Variants in ZNF280C observed in about 807,000 individuals in gnomAD.
ZNF280C encodes zinc finger protein 280C, also known as suppressor of hairy wing homolog 3.
Under a neutral mutation model 53.6 loss-of-function variants are expected in ZNF280C, and 14 were observed. The ratio of observed to expected loss-of-function variants is 0.26; its 90% confidence interval spans 0.17 to 0.41. The LOEUF is 0.41. Among genes scored for constraint, ZNF280C ranks in the 10% least tolerant of loss-of-function variants. ZNF280C has a pLI of 1.00. For missense variants in ZNF280C, 416 were observed against 547.1 expected (o/e 0.76, Z 2.39); for synonymous variants, 203 against 181.1 (o/e 1.12, Z -0.97).
At chrX:130,255,781 G>C (rs758607597) in intron 2 of ZNF280C, among the ~76,000 whole-genome samples, 16 of 111,068 alleles carry the variant, frequency 1.4e-4, no homozygotes, top group African/African-American at 4.9e-4. Context: ...ATGGTGAGAC[G>C]CTGTCCCTAC....
At chrX:130,266,870 A>G (rs1450405486) in intron 1 of ZNF280C, among the ~76,000 whole-genome samples, 1 of 111,525 alleles carries the variant, frequency 9.0e-6, no homozygotes, top group African/African-American at 3.3e-5. Context: ...TGGGAGGCCG[A>G]GGTGGGTGGA....
At chrX:130,221,772 A>T (rs1176495667) in intron 12 of ZNF280C, among the ~76,000 whole-genome samples, 1 of 111,757 alleles carries the variant, frequency 8.9e-6, no homozygotes, top group East Asian at 2.8e-4. Flanking sequence ...GGACTCTTGC[A>T]AGAGCCTCCT....
intron 16 of ZNF280C, among the ~76,000 whole-genome samples, chrX:130,207,025 A>AT (rs1157628051): frequency 8.9e-6 from 1 of 111,776 alleles, no homozygotes; most frequent in Non-Finnish European, 1.9e-5. Flanking sequence ...AGTTTCAGTA[A>AT]TCTACTGAGG....
intron 2 of ZNF280C, among the ~76,000 whole-genome samples, chrX:130,256,575 A>G (rs2032573945): frequency 1.9e-5 from 2 of 104,372 alleles, no homozygotes; most frequent in African/African-American, 7.1e-5. Flanking sequence ...GGCGACTGGG[A>G]GACTCCATCT....
At chrX:130,236,813 T>TGA (rs773218258) in intron 6 of ZNF280C, among the ~76,000 whole-genome samples, 174 bp from the exon 7 acceptor site, 1 of 111,345 alleles carries the variant, frequency 9.0e-6, no homozygotes, top group African/African-American at 3.2e-5. Context: ...CAATAAAGAA[T>TGA]GATTAAAATT....
intron 1 of ZNF280C, among the ~76,000 whole-genome samples, chrX:130,261,730 T>TA (rs1279994237): frequency 1.8e-5 from 2 of 112,233 alleles, no homozygotes; most frequent in Non-Finnish European, 3.8e-5. Flanking sequence ...TGCTCAACAT[T>TA]AAGGATCTAT....
rs751108168 is a variant in ZNF280C, at chrX:130,220,464, C to T, written c.1412G>A (p.Arg471His). The part of the protein sequence containing the change: ...YMKHQKKGVH[R>H]CPKCRLQFLT... The stretch of plus-strand genomic sequence containing the variant: ...AAATTGTAGTCTGCATTTTGGGCAA[C>T]GATGAACTCCTTTTTTCTGTTTACA... Residue 471 changes from arginine (R) to histidine (H), a missense_variant, in exon 13 of 19, where the codon CGT (arginine) becomes CAT (histidine). Coordinates refer to ENST00000370978, the MANE Select transcript of ZNF280C (RefSeq NM_017666.5). 6 of 1,195,587 alleles carry T rather than the reference C, an allele frequency of 5.0e-6. No individual in the cohort carries two copies. The highest frequency in any genetic ancestry group is 3.0e-5 in the East Asian group (1 of 33,426).
Position 130,232,022 on chromosome X carries a change from G to A in ZNF280C, c.772-1295C>T, listed in dbSNP as rs757849351. 4.0e-3 allele frequency among the ~76,000 whole-genome samples: 394 copies of A among 99,545 alleles called. 1 individual carries two copies. Among genetic ancestry groups the A allele is most frequent in the Non-Finnish European group, 5.0e-3 (249 of 49,667 alleles). The allele number at this position is 99,545 out of a possible 115,157, so 86.4% of individuals were successfully genotyped here. A position where few individuals can be genotyped will look rare whatever the true frequency, so the allele number is the denominator to read the frequency against. On this transcript the variant is annotated intron_variant, in intron 8 of 18. Coordinates refer to ENST00000370978, the MANE Select transcript of ZNF280C (RefSeq NM_017666.5). Reference sequence around the variant, plus strand: ...AGCCCGGGTGACAGAGCAAGACTCCGTCTCAAAAAAAAAAAAAAGCTTAAA... The same window carrying A: ...AGCCCGGGTGACAGAGCAAGACTCCATCTCAAAAAAAAAAAAAAGCTTAAA...
chrX:130,241,372 C>G (rs757096436), intron 5 of ZNF280C, among the ~76,000 whole-genome samples: 5 of 112,192 alleles, frequency 4.5e-5, no homozygotes. Flanking sequence ...CAAATGTCTA[C>G]GACAATAGTT....
chrX:130,208,915 C>G (rs1252496429), intron 16 of ZNF280C, among the ~76,000 whole-genome samples: 1 of 109,733 alleles, frequency 9.1e-6, no homozygotes, highest in Non-Finnish European at 1.9e-5. Context: ...AGGCTGATCT[C>G]GAACTCCTGA....
At position 130,209,458 on chromosome X, in the gene ZNF280C, G is replaced by A. The variant is rs533483212; in HGVS notation, c.2042+195C>T. 1.1e-3 allele frequency among the ~76,000 whole-genome samples: 127 copies of A among 111,496 alleles called. 1 individual carries two copies. Among genetic ancestry groups the A allele is most frequent in the African/African-American group, 4.1e-3 (125 of 30,736 alleles). On this transcript the variant is annotated intron_variant, in intron 16 of 18. Transcript: ENST00000370978. ...ACCTTATTTTTGTTATTTTACAAAC[G>A]CAAATACATGAAGGTTTCATCTTAA...
chrX:130,206,328 G>C (rs1003125441), intron 16 of ZNF280C, among the ~76,000 whole-genome samples: 1 of 107,256 alleles, frequency 9.3e-6, no homozygotes, highest in African/African-American at 3.4e-5. Context: ...ACCTCTATAG[G>C]AAACCAGTGC....
Position 130,260,336 on chromosome X carries a change from C to A in ZNF280C, c.31+83G>T, listed in dbSNP as rs745319783. 6.6e-4 allele frequency: 508 copies of A among 769,242 alleles called. 2 individuals carry two copies. The highest frequency in any genetic ancestry group is 1.7e-3 in the Middle Eastern group (5 of 3,019). The allele number at this position is 769,242 out of a possible 1,213,427, so 63.4% of individuals were successfully genotyped here. ...ATTTGTTTTTAAGAAAATGTGCCCA[C>A]TTCTGTCTCTAATCTTTTCTTTTGA... is the stretch of plus-strand genomic sequence containing the variant. On this transcript the variant is annotated intron_variant, in intron 2 of 18. Transcript: ENST00000370978.
At chrX:130,236,437 ATT>A in intron 7 of ZNF280C, 30 bp downstream of exon 7, 1 of 1,123,482 alleles carries the variant, frequency 8.9e-7, no homozygotes, top group Non-Finnish European at 1.2e-6. Flanking sequence ...AAATAATACT[ATT>A]TTTTTTTACA....
At chrX:130,248,155 G>C (rs972239233) in intron 2 of ZNF280C, among the ~76,000 whole-genome samples, 12 of 97,258 alleles carry the variant, frequency 1.2e-4, no homozygotes, top group Admixed American at 4.7e-4. Flanking sequence ...AGCTGCCACC[G>C]AGGGACTGGG....
chrX:130,229,063 G>A lies in ZNF280C; in HGVS notation c.1061C>T (p.Thr354Ile). The A allele has an allele frequency of 8.3e-7, 1 of 1,209,194 alleles. No individual in the cohort carries two copies. The highest frequency in any genetic ancestry group is 1.1e-6 in the Non-Finnish European group (1 of 893,943). Residue 354 changes from threonine to isoleucine, a missense_variant, in exon 10 of 19, where the codon ACC (threonine) becomes ATC (isoleucine). Physicochemically the swap from Thr to Ile is moderately conservative, Grantham distance 89. Around this residue, in one of 3 missense-constraint regions of ZNF280C, gnomAD observed 72 missense variants for 168.8 expected, o/e 0.43. Coordinates refer to ENST00000370978, the MANE Select transcript of ZNF280C (RefSeq NM_017666.5). Reference protein sequence around the residue: ...QNNESWENHTTCQHCYRQYPT... With the variant: ...QNNESWENHTICQHCYRQYPT... The stretch of plus-strand genomic sequence containing the variant: ...ATATTGCCGGTAACAGTGCTGGCAG[G>A]TGGTGTGGTTTTCCCAGCTTTCATT...
chrX:130,224,883 C>T (rs1274447875), intron 12 of ZNF280C, among the ~76,000 whole-genome samples: 1 of 111,646 alleles, frequency 9.0e-6, no homozygotes, highest in Non-Finnish European at 1.9e-5. Flanking sequence ...CAACATGGCT[C>T]AAGGTTCCAG....
chrX:130,260,909 T>C (rs1461926217), intron 1 of ZNF280C, among the ~76,000 whole-genome samples: 4 of 112,257 alleles, frequency 3.6e-5, no homozygotes, highest in African/African-American at 1.3e-4. Flanking sequence ...TCCTGTAATA[T>C]ATGTTTTAGT....
intron 12 of ZNF280C, among the ~76,000 whole-genome samples, chrX:130,224,548 G>A (rs1382488812): frequency 9.0e-6 from 1 of 111,552 alleles, no homozygotes; most frequent in African/African-American, 3.3e-5. Context: ...GTACAGAGCA[G>A]GATTAATAAA....
Sources: allele counts gnomAD v4.1 joint callset (sites outside exome capture counted in the v4.1 genomes callset), GRCh38; gene constraint gnomAD v4.1.1; regional missense constraint gnomAD v4.1.1; transcripts MANE v1.5; gene names NCBI Gene and HGNC (gene_info 2026-07-23, HGNC 2026-07-21).